SPATA16: variants seen among roughly 807,000 people sequenced by gnomAD.
SPATA16 encodes the protein spermatogenesis associated 16.
A neutral mutation model predicts 63.3 loss-of-function variants in SPATA16; 36 were observed. That is an observed-to-expected ratio of 0.57 (90% confidence interval 0.44 to 0.75). The LOEUF (loss-of-function observed/expected upper bound fraction) is 0.75, where lower values mean the gene tolerates loss of function less well. Among genes scored for constraint, SPATA16 ranks in the 30% least tolerant of loss-of-function variants. SPATA16 has a pLI of 0.00. For missense variants in SPATA16, 646 were observed against 679.3 expected (o/e 0.95, Z 0.54); for synonymous variants, 203 against 216.7 (o/e 0.94, Z 0.56).
intron 2 of SPATA16, among the ~76,000 whole-genome samples, chr3:173,068,550 T>G (rs1736581194): frequency 6.6e-6 from 1 of 151,616 alleles, no homozygotes; most frequent in Non-Finnish European, 1.5e-5. Context: ...AGACAAACAA[T>G]ACAAACAAAT....
chr3:172,901,804 A>C (rs541710893), intron 10 of SPATA16, among the ~76,000 whole-genome samples: 1 of 152,206 alleles, frequency 6.6e-6, no homozygotes, highest in African/African-American at 2.4e-5. Flanking sequence ...GAGGGTAGGA[A>C]TATCTTATCA....
At chr3:172,898,371 G>A (rs1449070779) in intron 10 of SPATA16, among the ~76,000 whole-genome samples, 1 of 151,980 alleles carries the variant, frequency 6.6e-6, no homozygotes, top group Non-Finnish European at 1.5e-5. Flanking sequence ...TCTGGGCTTG[G>A]AGATGTCTGG....
intron 5 of SPATA16, among the ~76,000 whole-genome samples, chr3:172,973,679 A>G (rs1366278873): frequency 6.6e-6 from 1 of 152,182 alleles, no homozygotes; most frequent in East Asian, 1.9e-4. Flanking sequence ...TGTAGTAAGG[A>G]GCAGGGAGAG....
At chr3:172,961,044 CT>C (rs1733757335) in intron 5 of SPATA16, among the ~76,000 whole-genome samples, 2 of 71,386 alleles carry the variant, frequency 2.8e-5, no homozygotes, top group South Asian at 4.8e-4. Flanking sequence ...TTCTTTCTTT[CT>C]TTCTTCTTTC....
chr3:172,999,994 G>A (rs984726113), intron 4 of SPATA16, among the ~76,000 whole-genome samples: 1 of 152,084 alleles, frequency 6.6e-6, no homozygotes, highest in African/African-American at 2.4e-5. Context: ...TTCTGATAGA[G>A]GGGTTTTCTA....
chr3:173,079,658 G>T (rs9830465), intron 2 of SPATA16, among the ~76,000 whole-genome samples: 1 of 151,968 alleles, frequency 6.6e-6, no homozygotes, highest in Non-Finnish European at 1.5e-5. Context: ...GGTATGCACC[G>T]GTTAGCCAGT....
At chr3:173,060,019 G>T (rs1736341575) in intron 2 of SPATA16, among the ~76,000 whole-genome samples, 3 of 152,022 alleles carry the variant, frequency 2.0e-5, no homozygotes, top group South Asian at 2.1e-4. Flanking sequence ...CACTTTGGGA[G>T]GCTGAGGTGG....
At chr3:173,082,656 G>A (rs1001819008) in intron 2 of SPATA16, among the ~76,000 whole-genome samples, 4 of 152,176 alleles carry the variant, frequency 2.6e-5, no homozygotes, top group African/African-American at 9.7e-5. Context: ...TGGGTCTAAT[G>A]GGGGTTGTGG....
At chr3:172,932,878 C>T (rs1157088290) in intron 6 of SPATA16, among the ~76,000 whole-genome samples, 1 of 152,178 alleles carries the variant, frequency 6.6e-6, no homozygotes, top group East Asian at 1.9e-4. Flanking sequence ...TCCCGAGATT[C>T]CTAATTTTCA....
intron 10 of SPATA16, among the ~76,000 whole-genome samples, chr3:172,910,292 C>T (rs1470320178): frequency 6.6e-6 from 1 of 152,044 alleles, no homozygotes; most frequent in Non-Finnish European, 1.5e-5. Context: ...TGGGGTTTCA[C>T]CATGTTGGCC....
chr3:173,049,072 A>G lies in SPATA16; in HGVS notation c.635T>C (p.Leu212Pro). 2.5e-6 allele frequency: 4 copies of G among 1,613,642 alleles called. No homozygotes were observed. The highest frequency in any genetic ancestry group is 3.4e-6 in the Non-Finnish European group (4 of 1,179,694). The change falls in exon 3 of 11, where the codon CTG (leucine) becomes CCG (proline). Residue 212 changes from leucine (L) to proline (P), a missense_variant. Transcript: ENST00000351008. ...AGCAGGTGCATCAAATGGTTCTCCCAGAACTGCTCCTTTGCTGCAAAGCTT... is the reference window on the plus strand; with the variant it reads ...AGCAGGTGCATCAAATGGTTCTCCCGGAACTGCTCCTTTGCTGCAAAGCTT... ...ALELCSKGAVLGEPFDAPAED... is the reference protein window; with the variant it reads ...ALELCSKGAVPGEPFDAPAED...
intron 6 of SPATA16, among the ~76,000 whole-genome samples, chr3:172,948,461 T>C (rs2109614359): frequency 6.6e-6 from 1 of 152,288 alleles, no homozygotes; most frequent in Admixed American, 6.5e-5. Flanking sequence ...TCTCTTTTTT[T>C]CTTTTAATTT....
intron 6 of SPATA16, among the ~76,000 whole-genome samples, chr3:172,938,411 T>C (rs1228898698): frequency 6.6e-6 from 1 of 152,126 alleles, no homozygotes; most frequent in African/African-American, 2.4e-5. Flanking sequence ...TAGATGGTTA[T>C]TAAGAAATGG....
intron 4 of SPATA16, among the ~76,000 whole-genome samples, chr3:172,987,694 C>T (rs930416838): frequency 6.6e-6 from 1 of 152,170 alleles, no homozygotes; most frequent in Non-Finnish European, 1.5e-5. Flanking sequence ...AATTTAACTT[C>T]GCTTTCAGTT....
intron 6 of SPATA16, among the ~76,000 whole-genome samples, chr3:172,942,124 G>A (rs1733164757): frequency 6.6e-6 from 1 of 152,028 alleles, no homozygotes; most frequent in Non-Finnish European, 1.5e-5. Flanking sequence ...GATCTATTTA[G>A]CACTTACTAT....
intron 4 of SPATA16, among the ~76,000 whole-genome samples, chr3:173,003,056 A>G (rs1198049430): frequency 6.6e-6 from 1 of 152,186 alleles, no homozygotes; most frequent in Non-Finnish European, 1.5e-5. Context: ...TATTTGATAC[A>G]CTAAAACCAA....
chr3:172,988,690 G>A (rs867235166), intron 4 of SPATA16, among the ~76,000 whole-genome samples: 6 of 152,320 alleles, frequency 3.9e-5, no homozygotes, highest in Middle Eastern at 3.4e-3. Context: ...TCACCTAGGT[G>A]CAATGGTGTG....
intron 10 of SPATA16, among the ~76,000 whole-genome samples, chr3:172,911,442 G>A (rs922353555): frequency 1.3e-5 from 2 of 152,134 alleles, no homozygotes; most frequent in East Asian, 1.9e-4. Flanking sequence ...TCCCCAGCCC[G>A]AAGACATGGT....
At chr3:172,949,353 G>A (rs2109615903) in intron 6 of SPATA16, among the ~76,000 whole-genome samples, 2 of 152,204 alleles carry the variant, frequency 1.3e-5, no homozygotes, top group African/African-American at 4.8e-5. Context: ...GGTTAATTGC[G>A]AGCCAAGTAT....
Sources: allele counts gnomAD v4.1 joint callset (sites outside exome capture counted in the v4.1 genomes callset), GRCh38; gene constraint gnomAD v4.1.1; transcripts MANE v1.5; gene names NCBI Gene and HGNC (gene_info 2026-07-23, HGNC 2026-07-21).